CTCF: variants seen among roughly 807,000 people sequenced by gnomAD.
The protein encoded by CTCF is transcriptional repressor CTCF.
In CTCF, 7 loss-of-function variants were observed where a neutral mutation model predicts 72.3. The ratio of observed to expected loss-of-function variants is 0.10; its 90% CI spans 0.06 to 0.18. The LOEUF is 0.18. CTCF is among the 10% of genes least tolerant of loss of function. The pLI, the probability that CTCF is intolerant of heterozygous loss-of-function variation, is 1.00. For missense variants in CTCF, 516 were observed against 949.1 expected (o/e 0.54, Z 6.00); for synonymous variants, 374 against 315.8 (o/e 1.18, Z -1.95).
intron 2 of CTCF, among the ~76,000 whole-genome samples, chr16:67,602,834 T>TC (rs1326102920): frequency 3.5e-5 from 4 of 113,292 alleles, no homozygotes; most frequent in Non-Finnish European, 7.0e-5. Flanking sequence ...AGAGTGAAAC[T>TC]CCATCTCCAA....
intron 2 of CTCF, among the ~76,000 whole-genome samples, chr16:67,607,248 C>T (rs1342130385): frequency 1.3e-5 from 2 of 151,594 alleles, no homozygotes; most frequent in African/African-American, 2.4e-5. Flanking sequence ...TGAGCCACCA[C>T]GCCTGGCCCC....
chr16:67,601,295 G>A (rs773627199), intron 2 of CTCF, among the ~76,000 whole-genome samples: 13 of 13,252 alleles, frequency 9.8e-4, no homozygotes, highest in Non-Finnish European at 1.9e-3. Context: ...CTCTGTCACC[G>A]TGTGTGTGTG....
At chr16:67,637,660 TTGTTC>T (rs781657573) in intron 11 of CTCF, 23 bp from the exon 12 acceptor site, 2 of 1,590,208 alleles carry the variant, frequency 1.3e-6, no homozygotes, top group African/African-American at 2.7e-5. Flanking sequence ...AATGGACCAT[TTGTTC>T]TGTCTGTGCT....
intron 2 of CTCF, among the ~76,000 whole-genome samples, chr16:67,577,900 A>C (rs988837291): frequency 6.6e-6 from 1 of 152,180 alleles, no homozygotes; most frequent in Admixed American, 6.5e-5. Context: ...ATCCTCACTT[A>C]AATTTGGTCT....
chr16:67,574,429 C>T (rs536664561), intron 2 of CTCF, among the ~76,000 whole-genome samples: 1 of 152,084 alleles, frequency 6.6e-6, no homozygotes, highest in East Asian at 1.9e-4. Context: ...GCAACTTCCC[C>T]CTCCCAGGTT....
intron 5 of CTCF, 147 bp downstream of exon 5, chr16:67,617,025 C>T (rs1489979341): frequency 1.1e-5 from 9 of 804,480 alleles, no homozygotes; most frequent in Non-Finnish European, 1.8e-5. Context: ...ACCGCTCCCC[C>T]AAAAAACTTA....
chr16:67,609,123 TTGGGAGGCTTAGG>T (rs1398888477), intron 2 of CTCF, among the ~76,000 whole-genome samples: 3 of 152,134 alleles, frequency 2.0e-5, no homozygotes, highest in African/African-American at 7.2e-5. Context: ...TCCCAGCACT[TTGGGAGGCTTAGG>T]TGGGAGGATT....
chr16:67,635,062 G>A (rs1288614805), intron 10 of CTCF, among the ~76,000 whole-genome samples: 1 of 148,010 alleles, frequency 6.8e-6, no homozygotes, highest in Non-Finnish European at 1.5e-5. Context: ...TTGCTCTGTT[G>A]CCAGGCTGGA....
In CTCF at chr16:67,612,099, G is replaced by A. The variant is rs2142829197; in HGVS notation, c.930G>A (p.Arg310=). The stretch of plus-strand genomic sequence containing the variant: ...CATTCAGAACAGTCACCCTCCTGAG[G>A]AATCACCTTAACACACACACAGGTG... ...GRAFRTVTLL[R]NHLNTHTGTR... The change falls in exon 4 of 12, where the codon AGG becomes AGA. Residue 310 remains arginine (R), a synonymous_variant. Transcript: ENST00000264010. The A allele has an allele frequency of 6.2e-7, 1 of 1,614,082 alleles. No individual in the cohort carries two copies. Among genetic ancestry groups the A allele is most frequent in the Non-Finnish European group, 8.5e-7 (1 of 1,180,004 alleles).
chr16:67,569,620 A>G (rs2051386101), intron 1 of CTCF, among the ~76,000 whole-genome samples: 1 of 152,160 alleles, frequency 6.6e-6, no homozygotes, highest in Admixed American at 6.6e-5. Context: ...ATTCGACTAA[A>G]AAAACTGTTT....
intron 2 of CTCF, among the ~76,000 whole-genome samples, chr16:67,588,197 G>A (rs1279640486): frequency 1.3e-5 from 2 of 152,194 alleles, no homozygotes; most frequent in East Asian, 3.9e-4. Flanking sequence ...ATAGGTTTGG[G>A]AATCATTGCT....
At chr16:67,605,697 G>C (rs1393143285) in intron 2 of CTCF, among the ~76,000 whole-genome samples, 1 of 152,240 alleles carries the variant, frequency 6.6e-6, no homozygotes. Flanking sequence ...GTGCTAAACT[G>C]TGTCCTTATT....
chr16:67,604,739 T>TG lies in CTCF; in HGVS notation c.-9-6085_-9-6084insG, dbSNP rs200968992. Among the ~76,000 whole-genome samples, 580 of 133,512 alleles carry TG rather than the reference T, an allele frequency of 4.3e-3. 4 individuals carry two copies. Among genetic ancestry groups the TG allele is most frequent in the African/African-American group, 0.017 (556 of 31,940 alleles). 87.6% of individuals were successfully genotyped at this position (133,512 alleles called of 152,430 possible). On this transcript the variant is annotated intron_variant, in intron 2 of 11. Coordinates refer to ENST00000264010, the MANE Select transcript of CTCF (RefSeq NM_006565.4). ...AATTAATTTCACCAGGGTTTTTTTT[T>TG]TTTTTGTTTTTTGTTTTTTTTTTTT...
chr16:67,576,237 T>C (rs920453251), intron 2 of CTCF, among the ~76,000 whole-genome samples: 3 of 151,222 alleles, frequency 2.0e-5, no homozygotes, highest in Non-Finnish European at 2.9e-5. Flanking sequence ...TTAATTATTA[T>C]GGAATAAAAG....
At chr16:67,598,648 T>C (rs373458874) in intron 2 of CTCF, among the ~76,000 whole-genome samples, 23 of 152,246 alleles carry the variant, frequency 1.5e-4, no homozygotes, top group African/African-American at 5.3e-4. Context: ...AGTATTTAAC[T>C]CCCAGTGCAA....
At chr16:67,593,727 T>C (rs971262703) in intron 2 of CTCF, among the ~76,000 whole-genome samples, 14 of 152,154 alleles carry the variant, frequency 9.2e-5, no homozygotes, top group African/African-American at 3.4e-4. Flanking sequence ...AGGAAATAAG[T>C]TGGGGTTTTT....
At chr16:67,633,804 A>ACACACACACACTCT (rs1555536504) in intron 10 of CTCF, among the ~76,000 whole-genome samples, 20 of 151,898 alleles carry the variant, frequency 1.3e-4, no homozygotes, top group African/African-American at 4.8e-4. Flanking sequence ...ACACACACAC[A>ACACACACACACTCT]CACACACACA....
chr16:67,591,333 A>C (rs2051741309), intron 2 of CTCF, among the ~76,000 whole-genome samples: 1 of 152,124 alleles, frequency 6.6e-6, no homozygotes, highest in Non-Finnish European at 1.5e-5. Flanking sequence ...TGAGAGGTAC[A>C]GTTGTGATTA....
At chr16:67,628,283 TAC>T in intron 8 of CTCF, 85 bp from the exon 9 acceptor site, 1 of 1,230,548 alleles carries the variant, frequency 8.1e-7, no homozygotes. Context: ...GGGTGAGAAA[TAC>T]CTGTTGGCCA....
Sources: gnomAD v4.1 joint callset for allele counts (sites outside exome capture counted in the v4.1 genomes callset) on GRCh38, gnomAD v4.1.1 for gene constraint, MANE v1.5 for transcripts, NCBI Gene and HGNC (gene_info 2026-07-23, HGNC 2026-07-21) for gene names.